ITGBL1: variants seen among roughly 807,000 people sequenced by gnomAD.
ITGBL1 encodes the protein integrin subunit beta like 1.
ITGBL1 carries 51 observed loss-of-function variants against 68.5 expected under a neutral mutation model. The observed-to-expected ratio is 0.74, with a 90% CI of 0.59 to 0.94. The LOEUF (loss-of-function observed/expected upper bound fraction) is 0.94, where lower values mean the gene tolerates loss of function less well. ITGBL1 is among the 40% of genes least tolerant of loss of function. The pLI is 0.00. For synonymous variants in ITGBL1, 209 were observed against 227.3 expected (o/e 0.92, Z 0.72); for missense variants, 649 against 647.4 (o/e 1.00, Z -0.03).
intron 2 of ITGBL1, among the ~76,000 whole-genome samples, chr13:101,503,086 C>T (rs565698313): frequency 1.3e-5 from 2 of 152,284 alleles, no homozygotes; most frequent in African/African-American, 4.8e-5. Context: ...GTGCTGTGTT[C>T]CACCAGCCAG....
At chr13:101,474,985 G>A (rs988253910) in intron 2 of ITGBL1, among the ~76,000 whole-genome samples, 2 of 152,140 alleles carry the variant, frequency 1.3e-5, no homozygotes, top group Non-Finnish European at 1.5e-5. Flanking sequence ...AATAAGCCTG[G>A]ACAGTGAAGA....
downstream of ITGBL1, chr13:101,720,423 C>A (rs540757473): frequency 3.8e-4 from 58 of 152,022 alleles, no homozygotes; most frequent in African/African-American, 1.3e-3. Flanking sequence ...CAGTCATTTA[C>A]AAAAATAAAT....
At position 101,575,503 on chromosome 13, in the gene ITGBL1, C is replaced by G; in HGVS notation, c.543C>G (p.Asp181Glu). Residue 181 changes from aspartate to glutamate, a missense_variant, in exon 4 of 11, where the codon GAC becomes GAG. Transcript: ENST00000376180. ...GLVYGKFCEC[D>E]DRECIDDETE... The stretch of plus-strand genomic sequence containing the variant: ...TGTATGGTAAATTTTGTGAGTGTGA[C>G]GATAGAGAATGCATAGACGATGAAA... 1 of 1,612,252 alleles carries G rather than the reference C, an allele frequency of 6.2e-7. No individual in the cohort carries two copies. The highest frequency in any genetic ancestry group is 8.5e-7 in the Non-Finnish European group (1 of 1,178,706).
At chr13:101,616,994 C>T (rs1409149249) in intron 7 of ITGBL1, among the ~76,000 whole-genome samples, 2 of 152,076 alleles carry the variant, frequency 1.3e-5, no homozygotes, top group Non-Finnish European at 2.9e-5. Context: ...TATTTTTGTG[C>T]AGAAGGAGTC....
chr13:101,563,273 G>C (rs2050129884), intron 2 of ITGBL1, among the ~76,000 whole-genome samples: 1 of 149,546 alleles, frequency 6.7e-6, no homozygotes, highest in African/African-American at 2.5e-5. Context: ...TCCAAAAACA[G>C]GAGAAGGAAG....
intron 2 of ITGBL1, among the ~76,000 whole-genome samples, chr13:101,456,964 A>G (rs2048252006): frequency 6.6e-6 from 1 of 152,216 alleles, no homozygotes; most frequent in African/African-American, 2.4e-5. Flanking sequence ...TTCAAATCCT[A>G]GTCCTATTAC....
At chr13:101,581,694 G>T (rs1401979273) in intron 5 of ITGBL1, among the ~76,000 whole-genome samples, 3 of 151,884 alleles carry the variant, frequency 2.0e-5, no homozygotes, top group African/African-American at 7.3e-5. Context: ...ACAATATTTC[G>T]GTCACTAGTA....
chr13:101,500,179 T>A (rs2048917563), intron 2 of ITGBL1, among the ~76,000 whole-genome samples: 1 of 152,212 alleles, frequency 6.6e-6, no homozygotes, highest in African/African-American at 2.4e-5. Flanking sequence ...TTTTGATCAT[T>A]GCCTGCTCCA....
intron 3 of ITGBL1, among the ~76,000 whole-genome samples, chr13:101,574,547 G>A (rs2050324576): frequency 6.6e-6 from 1 of 152,216 alleles, no homozygotes; most frequent in African/African-American, 2.4e-5. Context: ...ATTCCCGTTG[G>A]ATTTTCAGAG....
chr13:101,469,335 T>C (rs2048425788), intron 2 of ITGBL1, among the ~76,000 whole-genome samples: 4 of 152,226 alleles, frequency 2.6e-5, no homozygotes, highest in Admixed American at 2.0e-4. Context: ...ACATCCTGCC[T>C]ACCTGGGATT....
In ITGBL1 at chr13:101,714,505, C is replaced by T; in HGVS notation, c.1347C>T (p.Asp449=). 6.2e-7 allele frequency: 1 copy of T among 1,612,270 alleles called. No individual in the cohort carries two copies. The highest frequency in any genetic ancestry group is 8.5e-7 in the Non-Finnish European group (1 of 1,178,400). ...GGTATATTTCTGGGGAGTTCTGTGA[C>T]TGTGATGACAGAGACTGCGACAAAC... is the stretch of plus-strand genomic sequence containing the variant. The part of the protein sequence containing the change: ...EEWYISGEFC[D]CDDRDCDKHD... The change falls in exon 10 of 11, where the codon GAC becomes GAT. Residue 449 remains aspartate, a synonymous_variant. Coordinates refer to ENST00000376180, the MANE Select transcript of ITGBL1 (RefSeq NM_004791.3).
intron 7 of ITGBL1, among the ~76,000 whole-genome samples, chr13:101,672,071 T>G (rs1373281351): frequency 2.6e-5 from 4 of 152,224 alleles, no homozygotes; most frequent in Admixed American, 2.6e-4. Flanking sequence ...TCTTGCTACA[T>G]TTATGTAAAT....
intron 7 of ITGBL1, among the ~76,000 whole-genome samples, chr13:101,611,595 A>G (rs997175387): frequency 6.6e-6 from 1 of 152,130 alleles, no homozygotes; most frequent in Non-Finnish European, 1.5e-5. Flanking sequence ...TTAGTTGAAC[A>G]GTAAGCTACT....
chr13:101,554,843 T>C (rs759654802), intron 2 of ITGBL1, among the ~76,000 whole-genome samples: 1 of 152,204 alleles, frequency 6.6e-6, no homozygotes, highest in African/African-American at 2.4e-5. Flanking sequence ...TGAATAATAG[T>C]GTCCTTTTCA....
intron 2 of ITGBL1, among the ~76,000 whole-genome samples, chr13:101,564,361 G>T (rs976261607): frequency 6.6e-6 from 1 of 151,714 alleles, no homozygotes; most frequent in Non-Finnish European, 1.5e-5. Context: ...TTGATAAATT[G>T]GATTTAATTA....
At chr13:101,580,929 GCAGCTTGCCTGAGCGAGGCTCA>G (rs975673250) in intron 5 of ITGBL1, among the ~76,000 whole-genome samples, 3 of 152,218 alleles carry the variant, frequency 2.0e-5, no homozygotes, top group Non-Finnish European at 4.4e-5. Context: ...AGAATGGGAA[GCAGCTTGCCTGAGCGAGGCTCA>G]CAGCTTCTGA....
chr13:101,543,608 T>C (rs1227120061), intron 2 of ITGBL1, among the ~76,000 whole-genome samples: 1 of 152,216 alleles, frequency 6.6e-6, no homozygotes, highest in East Asian at 1.9e-4. Context: ...TTGGCCTGCC[T>C]GGCTAGATTG....
chr13:101,623,653 C>CT (rs1389913226), intron 7 of ITGBL1, among the ~76,000 whole-genome samples: 1 of 152,188 alleles, frequency 6.6e-6, no homozygotes, highest in Non-Finnish European at 1.5e-5. Context: ...CCGTGAGTCA[C>CT]TGTAGTTCAA....
At chr13:101,467,727 A>C (rs1215074572) in intron 2 of ITGBL1, among the ~76,000 whole-genome samples, 1 of 152,194 alleles carries the variant, frequency 6.6e-6, no homozygotes, top group African/African-American at 2.4e-5. Context: ...GTTATACGAT[A>C]AAATCAGTCC....
Sources: allele counts gnomAD v4.1 joint callset (sites outside exome capture counted in the v4.1 genomes callset), GRCh38; gene constraint gnomAD v4.1.1; transcripts MANE v1.5; gene names NCBI Gene and HGNC (gene_info 2026-07-23, HGNC 2026-07-21).